Variants in FBXL13 observed in about 807,000 individuals in gnomAD.
FBXL13 encodes F-box and leucine rich repeat protein 13.
In FBXL13, 67 loss-of-function variants were observed where a neutral mutation model predicts 83.6. That is an observed-to-expected ratio of 0.80 (90% CI 0.66 to 0.98). The LOEUF is 0.98. Among genes scored for constraint, FBXL13 ranks in the 50% least tolerant of loss-of-function variants. The pLI, the probability that FBXL13 is intolerant of heterozygous loss-of-function variation, is 0.00. For missense variants in FBXL13, 822 were observed against 866.5 expected (o/e 0.95, Z 0.64); for synonymous variants, 272 against 299.5 (o/e 0.91, Z 0.95).
chr7:103,042,342 G>T (rs1052179458), intron 2 of FBXL13, among the ~76,000 whole-genome samples: 2 of 152,128 alleles, frequency 1.3e-5, no homozygotes, highest in African/African-American at 4.8e-5. Context: ...ACAAATGGAA[G>T]AACATTCCAT....
intron 9 of FBXL13, among the ~76,000 whole-genome samples, chr7:102,928,670 A>C (rs1818583019): frequency 6.6e-6 from 1 of 152,224 alleles, no homozygotes; most frequent in African/African-American, 2.4e-5. Flanking sequence ...TGAGGACAAG[A>C]ACTGAAAAAT....
chr7:103,026,836 T>C (rs1457322569), intron 5 of FBXL13, among the ~76,000 whole-genome samples: 2 of 152,044 alleles, frequency 1.3e-5, no homozygotes, highest in Non-Finnish European at 2.9e-5. Flanking sequence ...ACTTTATATT[T>C]CAAAGAATAT....
chr7:102,938,788 A>G (rs1287996320), intron 8 of FBXL13, among the ~76,000 whole-genome samples: 1 of 152,242 alleles, frequency 6.6e-6, no homozygotes, highest in Non-Finnish European at 1.5e-5. Context: ...TCTATTTATC[A>G]ACACAGCAAA....
chr7:103,019,903 G>A (rs1489633040), intron 6 of FBXL13, among the ~76,000 whole-genome samples: 2 of 152,150 alleles, frequency 1.3e-5, no homozygotes, highest in African/African-American at 4.8e-5. Context: ...GTACAAGGAG[G>A]AGCTGGTACC....
At chr7:102,873,680 C>T (rs1033690220) in intron 16 of FBXL13, among the ~76,000 whole-genome samples, 4 of 152,208 alleles carry the variant, frequency 2.6e-5, no homozygotes, top group African/African-American at 9.6e-5. Flanking sequence ...AGTTCAAATT[C>T]CTTAATGTGG....
chr7:102,861,553 T>C (rs909106151), intron 16 of FBXL13, among the ~76,000 whole-genome samples: 2 of 152,136 alleles, frequency 1.3e-5, no homozygotes, highest in African/African-American at 4.8e-5. Context: ...TTAGAAGAGG[T>C]ATATTTACCC....
chr7:102,897,642 A>G (rs1414086438), intron 11 of FBXL13, among the ~76,000 whole-genome samples: 1 of 152,216 alleles, frequency 6.6e-6, no homozygotes, highest in Non-Finnish European at 1.5e-5. Context: ...GTGAAATAAA[A>G]TAGAAATCCC....
chr7:102,989,037 G>A (rs567665822), intron 6 of FBXL13, among the ~76,000 whole-genome samples: 1 of 152,170 alleles, frequency 6.6e-6, no homozygotes, highest in African/African-American at 2.4e-5. Context: ...ACTTTATGAG[G>A]AAGCTACAAA....
Position 102,868,945 on chromosome 7 carries a change from G to C in FBXL13, c.1635+8522C>G, listed in dbSNP as rs1372121416. 2.0e-5 allele frequency among the ~76,000 whole-genome samples: 3 copies of C among 152,248 alleles called. No individual in the cohort carries two copies. The East Asian group carries it at 5.8e-4, about 29-fold the overall frequency. ...GGCCTCCCAAAGTGCTGGGATTGCA[G>C]GCATGAACCTCTGTGCCTGGCTTGA... On this transcript the variant is annotated intron_variant, in intron 16 of 19. Coordinates refer to ENST00000313221, the Ensembl canonical transcript of FBXL13.
At chr7:102,952,775 G>C (rs1353636103) in intron 8 of FBXL13, among the ~76,000 whole-genome samples, 1 of 152,170 alleles carries the variant, frequency 6.6e-6, no homozygotes, top group Non-Finnish European at 1.5e-5. Flanking sequence ...CTTGAGGTCA[G>C]GAGTTCTAGA....
chr7:103,044,107 G>T (rs1248886712), intron 2 of FBXL13, among the ~76,000 whole-genome samples: 1 of 152,148 alleles, frequency 6.6e-6, no homozygotes, highest in Non-Finnish European at 1.5e-5. Flanking sequence ...ATGAAATCAA[G>T]CATCTAGATT....
chr7:102,849,756 C>A (rs1804851279), intron 17 of FBXL13, among the ~76,000 whole-genome samples: 1 of 152,056 alleles, frequency 6.6e-6, no homozygotes, highest in African/African-American at 2.4e-5. Context: ...GGAAAGATTA[C>A]CACATGCCCA....
intron 8 of FBXL13, chr7:102,939,397 G>C: frequency 1.3e-6 from 2 of 1,570,298 alleles, no homozygotes; most frequent in Non-Finnish European, 1.7e-6. Context: ...GGCAAAAAGA[G>C]CATAATAACG....
chr7:102,980,240 T>G (rs548942873), intron 6 of FBXL13, among the ~76,000 whole-genome samples: 2 of 152,286 alleles, frequency 1.3e-5, no homozygotes, highest in East Asian at 3.9e-4. Flanking sequence ...GTAATCAAAA[T>G]ATCAAGGTAC....
At chr7:103,015,846 C>T (rs1295802467) in intron 6 of FBXL13, among the ~76,000 whole-genome samples, 2 of 147,724 alleles carry the variant, frequency 1.4e-5, no homozygotes, top group African/African-American at 2.5e-5. Context: ...TTCCTATACA[C>T]CAACAACATA....
At chr7:102,884,404 T>C in intron 11 of FBXL13, 92 bp from the exon 13 acceptor site, 1 of 888,964 alleles carries the variant, frequency 1.1e-6, no homozygotes, top group Admixed American at 1.9e-5. Context: ...ATAATTTTGT[T>C]ACTATGTTTT....
intron 14 of FBXL13, among the ~76,000 whole-genome samples, chr7:102,879,955 C>T (rs1201255795): frequency 6.6e-6 from 1 of 152,236 alleles, no homozygotes; most frequent in Non-Finnish European, 1.5e-5. Flanking sequence ...ATCCGCCCAC[C>T]TGGGCCTCCC....
downstream of FBXL13, among the ~76,000 whole-genome samples, chr7:102,811,478 A>G (rs1797431655): frequency 6.6e-6 from 1 of 152,134 alleles, no homozygotes; most frequent in Non-Finnish European, 1.5e-5. Context: ...TAGCTGTAAA[A>G]TTTGTCTCCC....
intron 6 of FBXL13, chr7:102,973,718 CA>C: frequency 1.3e-6 from 1 of 766,378 alleles, no homozygotes; most frequent in Non-Finnish European, 2.4e-6. Context: ...GGAAGCTCCT[CA>C]GCCTCCAGTT....
Sources: gnomAD v4.1 joint callset for allele counts (sites outside exome capture counted in the v4.1 genomes callset) on GRCh38, gnomAD v4.1.1 for gene constraint, MANE v1.5 for transcripts, NCBI Gene and HGNC (gene_info 2026-07-23, HGNC 2026-07-21) for gene names.